CNBD2: variants seen among roughly 807,000 people sequenced by gnomAD.
CNBD2 encodes cyclic nucleotide binding domain containing 2, also known as cyclic nucleotide-binding domain-containing protein 2.
In CNBD2, 64 loss-of-function variants were observed where a neutral mutation model predicts 63.7. The observed-to-expected ratio is 1.00, with a 90% CI of 0.82 to 1.24. CNBD2 has a LOEUF of 1.24. Among genes scored for constraint, CNBD2 ranks in the 50% most tolerant of loss-of-function variants. CNBD2 has a pLI of 0.00. For synonymous variants in CNBD2, 229 were observed against 255.4 expected (o/e 0.90, Z 0.99); for missense variants, 691 against 713.5 (o/e 0.97, Z 0.36).
chr20:35,997,301 C>T (rs2056838584), intron 8 of CNBD2, among the ~76,000 whole-genome samples: 3 of 152,154 alleles, frequency 2.0e-5, no homozygotes, highest in Admixed American at 2.0e-4. Context: ...CAAGGATTGC[C>T]TTATAGATAT....
At chr20:35,970,989 C>T (rs1272713327) in intron 1 of CNBD2, among the ~76,000 whole-genome samples, 1 of 150,368 alleles carries the variant, frequency 6.7e-6, no homozygotes, top group East Asian at 1.9e-4. Flanking sequence ...GCTCTGTCGC[C>T]CAGGCTGGAG....
chr20:35,986,882 A>G (rs1359899360), intron 6 of CNBD2, among the ~76,000 whole-genome samples: 1 of 152,194 alleles, frequency 6.6e-6, no homozygotes, highest in Non-Finnish European at 1.5e-5. Context: ...CAACAGGCAG[A>G]AAGAGTGGAG....
At chr20:35,997,400 G>A (rs1568892752) in intron 8 of CNBD2, among the ~76,000 whole-genome samples, 1 of 152,196 alleles carries the variant, frequency 6.6e-6, no homozygotes, top group African/African-American at 2.4e-5. Flanking sequence ...AACAGAGCTG[G>A]GTTTGAGTCC....
chr20:36,007,953 G>A (rs2057006634), intron 8 of CNBD2, among the ~76,000 whole-genome samples: 4 of 152,120 alleles, frequency 2.6e-5, no homozygotes, highest in Admixed American at 6.6e-5. Flanking sequence ...TGAAGGCCGG[G>A]ATAAATATGG....
At chr20:35,971,169 G>C (rs1050815815) in intron 1 of CNBD2, among the ~76,000 whole-genome samples, 1 of 150,888 alleles carries the variant, frequency 6.6e-6, no homozygotes, top group African/African-American at 2.4e-5. Flanking sequence ...GGATGGTCTC[G>C]ATCTCCTGAC....
intron 7 of CNBD2, among the ~76,000 whole-genome samples, chr20:35,992,122 C>T (rs1198091730): frequency 6.6e-6 from 1 of 152,158 alleles, no homozygotes; most frequent in East Asian, 1.9e-4. Flanking sequence ...CTCAGGTGTT[C>T]CACCCTCCTC....
chr20:35,967,712 G>A (rs1168239458), upstream of CNBD2, among the ~76,000 whole-genome samples: 2 of 152,070 alleles, frequency 1.3e-5, no homozygotes, highest in Non-Finnish European at 2.9e-5. Context: ...AATCAGCCGG[G>A]CATGGTGGCA....
At chr20:36,021,105 A>G (rs1305076689) in intron 10 of CNBD2, among the ~76,000 whole-genome samples, 3 of 152,220 alleles carry the variant, frequency 2.0e-5, no homozygotes, top group Non-Finnish European at 4.4e-5. Flanking sequence ...CCCAGGAGGT[A>G]CTGTGTGCCC....
upstream of CNBD2, among the ~76,000 whole-genome samples, chr20:35,965,566 C>G (rs2147181992): frequency 6.6e-6 from 1 of 152,276 alleles, no homozygotes; most frequent in East Asian, 1.9e-4. Flanking sequence ...AGTGACTTAC[C>G]TAAGATCACA....
At chr20:36,027,172 AT>A (rs2057291791) in intron 11 of CNBD2, among the ~76,000 whole-genome samples, 2 of 152,206 alleles carry the variant, frequency 1.3e-5, no homozygotes, top group African/African-American at 4.8e-5. Flanking sequence ...CTCTGTTTTC[AT>A]AATGGAGCTC....
chr20:36,011,281 C>T, intron 10 of CNBD2, 24 bp downstream of exon 10: 1 of 1,514,522 alleles, frequency 6.6e-7, no homozygotes, highest in East Asian at 2.4e-5. Flanking sequence ...GAGCTCTGTT[C>T]ACCATGGAGT....
chr20:35,978,555 A>G (rs964380227), intron 3 of CNBD2, among the ~76,000 whole-genome samples: 2 of 152,174 alleles, frequency 1.3e-5, no homozygotes, highest in African/African-American at 2.4e-5. Flanking sequence ...CGTGTTAGCC[A>G]GGGTAGTCTT....
chr20:35,999,679 C>CTT lies in CNBD2; in HGVS notation c.970+4541_970+4542dup, dbSNP rs35106057. ...TACTTTTGCTTTAAACAAGTATCTT[C>CTT]TTTTTTTTTTTTTTTGAGACGGAGT... On this transcript the variant is annotated intron_variant, in intron 8 of 11. Transcript: ENST00000373973. Among the ~76,000 whole-genome samples, 219 of 142,128 alleles carry CTT rather than the reference C, an allele frequency of 1.5e-3. 1 individual carries two copies. Among genetic ancestry groups the CTT allele is most frequent in the African/African-American group, 4.4e-3 (173 of 39,148 alleles). The allele number at this position is 142,128 out of a possible 152,430, so 93.2% of individuals were successfully genotyped here.
intron 8 of CNBD2, among the ~76,000 whole-genome samples, chr20:36,007,157 T>A (rs1281405924): frequency 2.0e-5 from 3 of 151,694 alleles, no homozygotes; most frequent in African/African-American, 7.3e-5. Context: ...CCACTGCACT[T>A]CAGCCTGGGC....
rs189836595 is a variant in CNBD2 at position 35,960,643 on chromosome 20, G to A, written c.228+2869G>A. Among the ~76,000 whole-genome samples, 52 of 150,064 alleles carry A rather than the reference G, an allele frequency of 3.5e-4. 1 individual carries two copies. The Middle Eastern group carries it at 0.018, about 52-fold the overall frequency. On this transcript the variant is annotated intron_variant, in intron 2 of 4. Coordinates refer to the CNBD2 transcript ENST00000622112. Reference sequence around the variant, plus strand: ...GCTGGGATTACAGGCGTGAGCCACCGTGCCTGCCCCTACCTCTCACTTTCT... The same window carrying A: ...GCTGGGATTACAGGCGTGAGCCACCATGCCTGCCCCTACCTCTCACTTTCT...
chr20:36,002,045 C>G (rs530506888), intron 8 of CNBD2, among the ~76,000 whole-genome samples: 2 of 152,164 alleles, frequency 1.3e-5, no homozygotes, highest in Non-Finnish European at 2.9e-5. Context: ...CCAAGGCAGG[C>G]GGCTGGGTGG....
upstream of CNBD2, among the ~76,000 whole-genome samples, chr20:35,966,766 C>A (rs1010246177): frequency 6.6e-6 from 1 of 152,116 alleles, no homozygotes; most frequent in East Asian, 1.9e-4. Context: ...GCTGGATGAA[C>A]CTACTCCCAG....
chr20:36,011,945 G>C (rs1346276157), intron 10 of CNBD2, among the ~76,000 whole-genome samples: 2 of 152,082 alleles, frequency 1.3e-5, no homozygotes, highest in Non-Finnish European at 2.9e-5. Context: ...ATCACTTGAG[G>C]TCAGGAGTTC....
chr20:35,995,141 C>A lies in CNBD2; in HGVS notation c.959C>A (p.Thr320Asn), dbSNP rs762185436. 4 of 1,612,880 alleles carry A rather than the reference C, an allele frequency of 2.5e-6. No individual in the cohort carries two copies. Among genetic ancestry groups the A allele is most frequent in the South Asian group, 1.1e-5 (1 of 91,068 alleles). The change falls in exon 8 of 12, where the codon ACC (threonine) becomes AAC (asparagine). Residue 320 changes from threonine (T) to asparagine (N), a missense_variant. Physicochemically the swap from Thr to Asn is moderately conservative, Grantham distance 65 (BLOSUM62 0). Transcript: ENST00000373973. ...CTGATAGATGGCAGACCTCTGAAGA[C>A]CCACCTGAGTGGTAAGCTGCCTTGG... The part of the protein sequence containing the change: ...LELIDGRPLK[T>N]HLSEYSPMER...
Sources: allele counts gnomAD v4.1 joint callset (sites outside exome capture counted in the v4.1 genomes callset), GRCh38; gene constraint gnomAD v4.1.1; transcripts MANE v1.5; gene names NCBI Gene and HGNC (gene_info 2026-07-23, HGNC 2026-07-21).